TRPM2: variants seen among roughly 807,000 people sequenced by gnomAD.
The protein encoded by TRPM2 is transient receptor potential cation channel subfamily M member 2.
In TRPM2, 161 loss-of-function variants were observed where a neutral mutation model predicts 174.0. The observed-to-expected ratio is 0.93, with a 90% CI of 0.81 to 1.05. The LOEUF is 1.05. Ranked by LOEUF, TRPM2 falls within the 50% of genes least tolerant of loss-of-function variation. TRPM2 has a pLI of 0.00. For synonymous variants in TRPM2, 954 were observed against 861.3 expected, an observed-to-expected ratio of 1.11 and a Z score of -1.88; for missense variants, 2,057 against 2,038.0, an observed-to-expected ratio of 1.01 and a Z score of -0.18.
At chr21:44,351,346 G>A (rs1434585218), upstream of TRPM2, among the ~76,000 whole-genome samples, 1 of 152,236 alleles carries the variant, frequency 6.6e-6, no homozygotes, top group Non-Finnish European at 1.5e-5. Flanking sequence ...AGGGAATGCT[G>A]CCCCAACCCA....
At chr21:44,406,984 T>A (rs1415762536) in intron 19 of TRPM2, among the ~76,000 whole-genome samples, 1 of 148,778 alleles carries the variant, frequency 6.7e-6, no homozygotes, top group Non-Finnish European at 1.5e-5. Flanking sequence ...CTGGTGGGGG[T>A]GAGTGGTGCC....
chr21:44,402,630 G>A (rs752878197), intron 16 of TRPM2, among the ~76,000 whole-genome samples: 27 of 152,204 alleles, frequency 1.8e-4, no homozygotes, highest in Non-Finnish European at 3.4e-4. Flanking sequence ...ACCTGGCATG[G>A]CCCAGGCCCC....
At position 44,426,710 on chromosome 21, in the gene TRPM2, C is replaced by T. The variant is rs140568907; in HGVS notation, c.3846C>T (p.Asp1282=). The change falls in exon 26 of 32, where the codon GAC becomes GAT. Residue 1282 remains aspartate, a synonymous_variant. Coordinates refer to ENST00000397928, the MANE Select transcript of TRPM2 (RefSeq NM_003307.4). ...DPPFYTAERK[D]AAAMDPMGDT... is the part of the protein sequence containing the mutation. ...CCTTTTACACGGCAGAGAGGAAGGA[C>T]GCGGCCGCCATGGACCCCATGGGAG... 9.0e-5 allele frequency: 145 copies of T among 1,614,126 alleles called. 1 individual carries two copies. The highest frequency in any genetic ancestry group is 8.5e-4 in the East Asian group (38 of 44,876).
intron 19 of TRPM2, among the ~76,000 whole-genome samples, chr21:44,407,458 T>G (rs2049944990): frequency 6.8e-6 from 1 of 146,738 alleles, no homozygotes; most frequent in Non-Finnish European, 1.5e-5. Flanking sequence ...AGGTTTTTTT[T>G]TTTTTTTTTT....
At chr21:44,365,833 A>G (rs919155833) in intron 3 of TRPM2, among the ~76,000 whole-genome samples, 1 of 152,246 alleles carries the variant, frequency 6.6e-6, no homozygotes, top group African/African-American at 2.4e-5. Context: ...TGCAGGCCAC[A>G]GCCCTGCTCC....
upstream of TRPM2, among the ~76,000 whole-genome samples, chr21:44,351,687 C>A (rs2122997388): frequency 6.6e-6 from 1 of 152,320 alleles, no homozygotes; most frequent in East Asian, 1.9e-4. Context: ...GTTCTGCACC[C>A]CTGGGCTGAG....
At chr21:44,350,735 G>T (rs1006455838), upstream of TRPM2, among the ~76,000 whole-genome samples, 1 of 151,816 alleles carries the variant, frequency 6.6e-6, no homozygotes, top group Non-Finnish European at 1.5e-5. Context: ...TTCGGGGCGC[G>T]GACTGGAGCA....
intron 22 of TRPM2, among the ~76,000 whole-genome samples, chr21:44,419,345 A>T (rs946178864): frequency 6.6e-6 from 1 of 151,134 alleles, no homozygotes; most frequent in Non-Finnish European, 1.5e-5. Context: ...GCCTTTCCAT[A>T]CCTCCCTCAC....
At chr21:44,386,092 A>G (rs2049007574) in intron 9 of TRPM2, among the ~76,000 whole-genome samples, 1 of 152,156 alleles carries the variant, frequency 6.6e-6, no homozygotes, top group Admixed American at 6.5e-5. Context: ...ATACACAAAA[A>G]TCTGCCACAT....
Position 44,391,026 on chromosome 21 carries a change from G to T in TRPM2, c.1440+1G>T. ...CTTCATGGATGAGTGGCAGTGGAAGGTAAGTCTTCCAGAGCACCCCGTGGA... is the reference window on the plus strand; with the variant it reads ...CTTCATGGATGAGTGGCAGTGGAAGTTAAGTCTTCCAGAGCACCCCGTGGA... On this transcript the variant is annotated splice_donor_variant, in intron 10 of 31. Transcript: ENST00000397928. LOFTEE classifies it high-confidence loss of function. The surrounding 1 kb of genome is among the most constrained non-coding windows in gnomAD (Gnocchi z 5.0). 2 of 1,613,828 alleles carry T rather than the reference G, an allele frequency of 1.2e-6. No individual in the cohort carries two copies. The highest frequency in any genetic ancestry group is 1.7e-6 in the Non-Finnish European group (2 of 1,180,020).
chr21:44,434,923 CG>C (rs1324738039), intron 27 of TRPM2, among the ~76,000 whole-genome samples: 1 of 152,102 alleles, frequency 6.6e-6, no homozygotes, highest in Non-Finnish European at 1.5e-5. Context: ...CAGGTGACCC[CG>C]AGTTAACCCA....
intron 2 of TRPM2, among the ~76,000 whole-genome samples, chr21:44,363,054 G>A (rs1270511809): frequency 6.6e-6 from 1 of 152,236 alleles, no homozygotes; most frequent in Admixed American, 6.5e-5. Flanking sequence ...TTATAGGCGT[G>A]AGCCACTGCG....
intron 25 of TRPM2, 91 bp from the exon 26 acceptor site, chr21:44,426,569 G>T: frequency 7.3e-7 from 1 of 1,374,016 alleles, no homozygotes; most frequent in South Asian, 1.2e-5. Flanking sequence ...GTCGGGTTCA[G>T]ACCCAGCTGA....
chr21:44,424,282 G>A (rs1356466422), intron 23 of TRPM2, among the ~76,000 whole-genome samples: 2 of 152,206 alleles, frequency 1.3e-5, no homozygotes, highest in Non-Finnish European at 2.9e-5. Context: ...CTGTGCTGCT[G>A]GGGCATCCAC....
chr21:44,436,032 G>A (rs2051251968), intron 28 of TRPM2, among the ~76,000 whole-genome samples: 1 of 148,554 alleles, frequency 6.7e-6, no homozygotes, highest in African/African-American at 2.5e-5. Flanking sequence ...CTCATCCAGA[G>A]GGACACAGCC....
intron 2 of TRPM2, among the ~76,000 whole-genome samples, chr21:44,360,249 C>T (rs938753661): frequency 2.6e-5 from 4 of 152,230 alleles, no homozygotes; most frequent in African/African-American, 9.6e-5. Flanking sequence ...AAGAGATTGC[C>T]GCATTCTTGC....
chr21:44,406,067 C>G (rs372678880), intron 18 of TRPM2, 30 bp downstream of exon 18: 3 of 1,598,850 alleles, frequency 1.9e-6, no homozygotes, highest in Non-Finnish European at 8.5e-7. Context: ...GGCTCCATCG[C>G]GGCCTGCAGC....
At chr21:44,352,582 A>G (rs1448775063), upstream of TRPM2, among the ~76,000 whole-genome samples, 1 of 152,178 alleles carries the variant, frequency 6.6e-6, no homozygotes, top group Non-Finnish European at 1.5e-5. Context: ...GATCTTTTGC[A>G]TCCCAGCAAC....
rs1245686571 is a variant in TRPM2 at position 44,424,934 on chromosome 21, C to T, written c.3632C>T (p.Thr1211Ile). ...TTCAGCTCGGAGGCGGACGTCCCCA[C>T]TCTGGGTGAGTGGGTGGCCAGGCCA... ...SGFSSEADVPTLASQKAAEEP... is the reference protein window; with the variant it reads ...SGFSSEADVPILASQKAAEEP... The change falls in exon 24 of 32, where the codon ACT becomes ATT. Residue 1211 changes from threonine (T) to isoleucine (I), a missense_variant. Coordinates refer to ENST00000397928, the MANE Select transcript of TRPM2 (RefSeq NM_003307.4). The T allele has an allele frequency of 6.2e-7, 1 of 1,601,714 alleles. No homozygotes were observed. Among genetic ancestry groups the T allele is most frequent in the African/African-American group, 1.3e-5 (1 of 74,878 alleles).
Sources: gnomAD v4.1 joint callset for allele counts (sites outside exome capture counted in the v4.1 genomes callset) on GRCh38, gnomAD v4.1.1 for gene constraint, Gnocchi (gnomAD v3.1) non-coding constraint, MANE v1.5 for transcripts, NCBI Gene and HGNC (gene_info 2026-07-23, HGNC 2026-07-21) for gene names.